Variants in TTC23 observed in about 807,000 individuals in gnomAD.
The protein encoded by TTC23 is tetratricopeptide repeat protein 23.
A neutral mutation model predicts 55.1 loss-of-function variants in TTC23; 58 were observed. The ratio of observed to expected loss-of-function variants is 1.05; its 90% CI spans 0.85 to 1.31. The LOEUF (loss-of-function observed/expected upper bound fraction) is 1.31. Ranked by LOEUF, TTC23 falls within the 50% of genes most tolerant of loss-of-function variation. The pLI is 0.00. For synonymous variants in TTC23, 203 were observed against 199.9 expected (o/e 1.02, Z -0.13); for missense variants, 516 against 534.4 (o/e 0.97, Z 0.34).
intron 4 of TTC23, among the ~76,000 whole-genome samples, chr15:99,231,130 C>G (rs758083441): frequency 1.3e-5 from 2 of 152,166 alleles, no homozygotes; most frequent in Non-Finnish European, 2.9e-5. Context: ...TGCAAACAAA[C>G]CTATTGTGCT....
chr15:99,250,447 T>C (rs1414683659), upstream of TTC23, among the ~76,000 whole-genome samples: 1 of 152,220 alleles, frequency 6.6e-6, no homozygotes, highest in African/African-American at 2.4e-5. Flanking sequence ...TTAAAGTTCC[T>C]TGACAAGGAG....
intron 9 of TTC23, among the ~76,000 whole-genome samples, 170 bp from the exon 10 acceptor site, chr15:99,175,325 T>A (rs1295723621): frequency 6.6e-6 from 1 of 152,214 alleles, no homozygotes; most frequent in Admixed American, 6.5e-5. Flanking sequence ...TTTTAAAAGG[T>A]CTGAGTGGTG....
At chr15:99,204,961 A>G (rs2076501885) in intron 8 of TTC23, among the ~76,000 whole-genome samples, 1 of 152,086 alleles carries the variant, frequency 6.6e-6, no homozygotes, top group Admixed American at 6.6e-5. Context: ...ATGAATTTTA[A>G]TTCGATTTTT....
chr15:99,146,390 C>T (rs1306332930), intron 12 of TTC23, among the ~76,000 whole-genome samples: 4 of 152,318 alleles, frequency 2.6e-5, no homozygotes, highest in East Asian at 1.9e-4. Context: ...TAGTCCTTCC[C>T]GAGTCTGTGC....
intron 8 of TTC23, among the ~76,000 whole-genome samples, chr15:99,207,734 G>A (rs1008889887): frequency 1.3e-5 from 2 of 152,198 alleles, no homozygotes; most frequent in Non-Finnish European, 2.9e-5. Flanking sequence ...TCCACCCTGG[G>A]TGACAGAGGG....
chr15:99,235,606 G>A (rs756301271), intron 3 of TTC23, among the ~76,000 whole-genome samples: 20 of 152,080 alleles, frequency 1.3e-4, no homozygotes, highest in African/African-American at 4.1e-4. Context: ...TCCTGACCTC[G>A]TGATCCGCCT....
intron 12 of TTC23, among the ~76,000 whole-genome samples, chr15:99,144,097 T>G (rs1288282604): frequency 6.6e-6 from 1 of 152,192 alleles, no homozygotes; most frequent in Non-Finnish European, 1.5e-5. Flanking sequence ...TGCTTACTCT[T>G]AGGACTCATT....
intron 5 of TTC23, among the ~76,000 whole-genome samples, chr15:99,225,253 T>C (rs1322318315): frequency 6.6e-6 from 1 of 152,218 alleles, no homozygotes; most frequent in Admixed American, 6.5e-5. Context: ...AATATCCCTA[T>C]TGGTTTTCCA....
Position 99,228,596 on chromosome 15 carries a change from C to G in TTC23, c.117G>C (p.Gln39His), listed in dbSNP as rs2078664289. ...AGAGGTGGAGTTTCTCTCGAGGAGG[C>G]TGGAATAGTGCTGTCTGAAGCAGCT... ...QNKLLQTALF[Q>H]PPREKLHLCE... The change falls in exon 5 of 14, where the codon CAG becomes CAC. Residue 39 changes from glutamine (Q) to histidine (H), a missense_variant. By Grantham distance (24) the Gln-to-His change is conservative (BLOSUM62 0). Transcript: ENST00000394132. The G allele has an allele frequency of 6.2e-7, 1 of 1,613,806 alleles. No individual in the cohort carries two copies. Among genetic ancestry groups the G allele is most frequent in the Admixed American group, 1.7e-5 (1 of 59,984 alleles).
chr15:99,158,956 AGGGCTGAAATCCAGCCTAT>A (rs1454355751), intron 11 of TTC23: 4 of 152,358 alleles, frequency 2.6e-5, no homozygotes, highest in African/African-American at 9.6e-5. Flanking sequence ...GAGCATGGGG[AGGGCTGAAATCCAGCCTAT>A]GGTCCTCTCC....
intron 12 of TTC23, among the ~76,000 whole-genome samples, chr15:99,143,768 T>C (rs1437379745): frequency 6.6e-6 from 1 of 152,380 alleles, no homozygotes; most frequent in East Asian, 1.9e-4. Flanking sequence ...TCTGCTTTTA[T>C]ACCAGCCTGC....
At chr15:99,166,738 T>G (rs1274458209) in intron 10 of TTC23, among the ~76,000 whole-genome samples, 1 of 152,180 alleles carries the variant, frequency 6.6e-6, no homozygotes, top group Non-Finnish European at 1.5e-5. Flanking sequence ...TTCCCATTTT[T>G]GTTCCTGGTA....
At chr15:99,205,023 C>T (rs766596536) in intron 8 of TTC23, among the ~76,000 whole-genome samples, 1 of 152,136 alleles carries the variant, frequency 6.6e-6, no homozygotes, top group Non-Finnish European at 1.5e-5. Context: ...TATGGATATC[C>T]AGTTTTCCCA....
chr15:99,228,936 A>G (rs914892875), intron 4 of TTC23, among the ~76,000 whole-genome samples: 2 of 119,538 alleles, frequency 1.7e-5, no homozygotes, highest in Non-Finnish European at 3.6e-5. Flanking sequence ...ACATACATAT[A>G]TATATGCCTA....
At chr15:99,238,494 T>C (rs2079508641) in intron 3 of TTC23, among the ~76,000 whole-genome samples, 2 of 152,156 alleles carry the variant, frequency 1.3e-5, no homozygotes, top group Admixed American at 6.6e-5. Flanking sequence ...ATGACCTTGC[T>C]TGTTTGGCTA....
intron 8 of TTC23, among the ~76,000 whole-genome samples, chr15:99,210,054 C>T (rs1292015323): frequency 6.6e-6 from 1 of 151,806 alleles, no homozygotes; most frequent in Non-Finnish European, 1.5e-5. Context: ...CTGTGCCCTG[C>T]CTATTATTTG....
chr15:99,218,231 C>T (rs948426444), intron 8 of TTC23, among the ~76,000 whole-genome samples: 3 of 152,148 alleles, frequency 2.0e-5, no homozygotes, highest in Non-Finnish European at 4.4e-5. Flanking sequence ...TCATCATAAA[C>T]TCAACCTGTT....
chr15:99,143,126 G>A (rs2068440604), intron 12 of TTC23, among the ~76,000 whole-genome samples: 1 of 152,222 alleles, frequency 6.6e-6, no homozygotes, highest in South Asian at 2.1e-4. Context: ...TACAGTGTAA[G>A]AGCAGGCACC....
intron 8 of TTC23, among the ~76,000 whole-genome samples, chr15:99,203,750 G>C (rs1289432696): frequency 6.7e-6 from 1 of 149,194 alleles, no homozygotes; most frequent in Non-Finnish European, 1.5e-5. Context: ...CTGAAAATGT[G>C]ATATTTTCTG....
Sources: gnomAD v4.1 joint callset for allele counts (sites outside exome capture counted in the v4.1 genomes callset) on GRCh38, gnomAD v4.1.1 for gene constraint, MANE v1.5 for transcripts, NCBI Gene and HGNC (gene_info 2026-07-23, HGNC 2026-07-21) for gene names.